THSD7A: variants seen among roughly 807,000 people sequenced by gnomAD.
The protein encoded by THSD7A is thrombospondin type-1 domain-containing protein 7A.
Under a neutral mutation model 231.3 loss-of-function variants are expected in THSD7A, and 96 were observed. The observed-to-expected ratio is 0.41, with a 90% CI of 0.35 to 0.49. The LOEUF (loss-of-function observed/expected upper bound fraction) is 0.49. Ranked by LOEUF, THSD7A falls within the 20% of genes least tolerant of loss-of-function variation. The pLI is 0.05. For missense variants in THSD7A, 2,290 were observed against 2,070.2 expected, an observed-to-expected ratio of 1.11 and a Z score of -2.06; for synonymous variants, 940 against 743.3, an observed-to-expected ratio of 1.26 and a Z score of -4.30.
At chr7:11,507,757 T>C (rs1273087990) in intron 6 of THSD7A, among the ~76,000 whole-genome samples, 1 of 152,220 alleles carries the variant, frequency 6.6e-6, no homozygotes, top group African/African-American at 2.4e-5. Context: ...ATTTGGTTTT[T>C]ATTGTAAGGC....
chr7:11,761,939 T>A (rs1281399043), intron 1 of THSD7A, among the ~76,000 whole-genome samples: 3 of 152,082 alleles, frequency 2.0e-5, no homozygotes, highest in Admixed American at 2.0e-4. Context: ...TCACTGTCTA[T>A]TATTTCCATC....
chr7:11,558,041 G>A (rs1162148878), intron 4 of THSD7A, among the ~76,000 whole-genome samples: 1 of 152,104 alleles, frequency 6.6e-6, no homozygotes, highest in African/African-American at 2.4e-5. Context: ...CCTTTGGCTA[G>A]AAAGAGCAGG....
At chr7:11,679,652 C>G (rs1376689610) in intron 1 of THSD7A, among the ~76,000 whole-genome samples, 1 of 152,040 alleles carries the variant, frequency 6.6e-6, no homozygotes, top group Non-Finnish European at 1.5e-5. Context: ...TGTGAAGGAC[C>G]TCTTCAAGGA....
intron 6 of THSD7A, among the ~76,000 whole-genome samples, chr7:11,510,412 T>G (rs1024095711): frequency 6.6e-6 from 1 of 152,224 alleles, no homozygotes; most frequent in Non-Finnish European, 1.5e-5. Context: ...GAATCCTCCC[T>G]AACTCATTTT....
At chr7:11,507,079 A>G (rs1787576715) in intron 6 of THSD7A, among the ~76,000 whole-genome samples, 1 of 152,146 alleles carries the variant, frequency 6.6e-6, no homozygotes, top group Admixed American at 6.5e-5. Context: ...ATGTTTTCTG[A>G]GTAAATAAGT....
intron 2 of THSD7A, among the ~76,000 whole-genome samples, chr7:11,628,477 C>T (rs1781544631): frequency 2.6e-5 from 4 of 152,164 alleles, no homozygotes; most frequent in African/African-American, 9.7e-5. Context: ...AGCATTTTCT[C>T]TAGGAGGCCA....
chr7:11,521,454 C>G (rs1339411926), intron 6 of THSD7A, among the ~76,000 whole-genome samples: 3 of 144,512 alleles, frequency 2.1e-5, no homozygotes, highest in Non-Finnish European at 4.5e-5. Context: ...GAGACAGGGC[C>G]ACATTCTTTT....
At chr7:11,715,690 A>T (rs1772455264) in intron 1 of THSD7A, among the ~76,000 whole-genome samples, 2 of 151,442 alleles carry the variant, frequency 1.3e-5, no homozygotes, top group South Asian at 4.1e-4. Context: ...CGTTATTTGA[A>T]TTAGAGATAT....
At chr7:11,534,490 A>G (rs1317572366) in intron 6 of THSD7A, among the ~76,000 whole-genome samples, 1 of 152,174 alleles carries the variant, frequency 6.6e-6, no homozygotes, top group African/African-American at 2.4e-5. Flanking sequence ...AGCTGACAGC[A>G]CCAATGCCAG....
chr7:11,638,416 A>C (rs558401720), intron 1 of THSD7A, among the ~76,000 whole-genome samples: 13 of 152,334 alleles, frequency 8.5e-5, no homozygotes, highest in African/African-American at 2.9e-4. Context: ...TTGCTAGTAT[A>C]TGAATAAAGA....
intron 13 of THSD7A, among the ~76,000 whole-genome samples, chr7:11,438,100 G>C (rs1182565371): frequency 1.3e-5 from 2 of 151,784 alleles, no homozygotes; most frequent in African/African-American, 2.4e-5. Context: ...CTGGAGCCCT[G>C]AGTGATACAA....
At chr7:11,605,199 T>C (rs1780694374) in intron 2 of THSD7A, among the ~76,000 whole-genome samples, 1 of 152,142 alleles carries the variant, frequency 6.6e-6, no homozygotes, top group Admixed American at 6.6e-5. Context: ...TATGTATATA[T>C]GTATCTATCT....
At chr7:11,376,042 A>T (rs1782259544) in intron 27 of THSD7A, among the ~76,000 whole-genome samples, 164 bp from the exon 28 acceptor site, 1 of 152,072 alleles carries the variant, frequency 6.6e-6, no homozygotes, top group South Asian at 2.1e-4. Flanking sequence ...CTGATCTTGA[A>T]TTTCAGTTTT....
chr7:11,378,837 G>A (rs1352680045), intron 26 of THSD7A: 1 of 503,698 alleles, frequency 2.0e-6, no homozygotes, highest in African/African-American at 1.9e-5. Context: ...GAATTATATT[G>A]ATCCAAAATT....
At chr7:11,591,491 A>C (rs952358654) in intron 3 of THSD7A, among the ~76,000 whole-genome samples, 4 of 152,208 alleles carry the variant, frequency 2.6e-5, no homozygotes, top group Non-Finnish European at 4.4e-5. Context: ...CTTAGTAATC[A>C]GATGAACAGC....
chr7:11,795,242 T>C (rs956287417), intron 1 of THSD7A, among the ~76,000 whole-genome samples: 24 of 152,046 alleles, frequency 1.6e-4, no homozygotes, highest in African/African-American at 4.8e-4. Context: ...TATACAAACA[T>C]GTGTGCACAC....
At chr7:11,545,128 A>G (rs757295697) in intron 4 of THSD7A, among the ~76,000 whole-genome samples, 3 of 152,186 alleles carry the variant, frequency 2.0e-5, no homozygotes, top group Non-Finnish European at 2.9e-5. Context: ...AGTCTATACT[A>G]TGTAGCAAAT....
chr7:11,595,744 C>A lies in THSD7A; in HGVS notation c.1023-2242G>T, dbSNP rs183065142. ...AATTGCTCTTCTCTGTATGTCAGAT[C>A]TAACAGTGGAAACCAAAGTCACTCA... On this transcript the variant is annotated intron_variant, in intron 2 of 27. Transcript: ENST00000423059. Among the ~76,000 whole-genome samples the A allele has an allele frequency of 1.6e-3, 251 of 152,310 alleles. 2 individuals are homozygous for A. The highest frequency in any genetic ancestry group is 3.0e-3 in the Non-Finnish European group (205 of 68,030).
At chr7:11,689,251 G>C (rs1341966464) in intron 1 of THSD7A, among the ~76,000 whole-genome samples, 1 of 151,862 alleles carries the variant, frequency 6.6e-6, no homozygotes, top group South Asian at 2.1e-4. Context: ...ATTATGTAAG[G>C]TCAAAGCACT....
Sources: gnomAD v4.1 joint callset for allele counts (sites outside exome capture counted in the v4.1 genomes callset) on GRCh38, gnomAD v4.1.1 for gene constraint, MANE v1.5 for transcripts, NCBI Gene and HGNC (gene_info 2026-07-23, HGNC 2026-07-21) for gene names.